Variants in USH2A observed in about 807,000 individuals in gnomAD.
USH2A encodes the protein usherin, also known as Usher syndrome 2A (autosomal recessive, mild).
USH2A carries 443 observed loss-of-function variants against 538.9 expected under a neutral mutation model. The ratio of observed to expected loss-of-function variants is 0.82; its 90% CI spans 0.76 to 0.89. The LOEUF (loss-of-function observed/expected upper bound fraction) is 0.89. USH2A is among the 40% of genes least tolerant of loss of function. USH2A has a pLI of 0.00. For missense variants in USH2A, 6,633 were observed against 6,324.8 expected (o/e 1.05, Z -1.65); for synonymous variants, 2,413 against 2,273.5 (o/e 1.06, Z -1.75).
chr1:216,179,838 T>C (rs2034459102), intron 20 of USH2A, among the ~76,000 whole-genome samples: 1 of 152,146 alleles, frequency 6.6e-6, no homozygotes, highest in African/African-American at 2.4e-5. Flanking sequence ...AAAGTAGATA[T>C]GACTTTTAAA....
chr1:216,317,272 C>G (rs2037526419), intron 9 of USH2A, among the ~76,000 whole-genome samples: 1 of 152,086 alleles, frequency 6.6e-6, no homozygotes, highest in Non-Finnish European at 1.5e-5. Context: ...AGTCATTATT[C>G]TCAGCAAAAT....
At chr1:215,688,627 C>A (rs952307755) in intron 61 of USH2A, among the ~76,000 whole-genome samples, 3 of 152,114 alleles carry the variant, frequency 2.0e-5, no homozygotes, top group Non-Finnish European at 2.9e-5. Context: ...TGAAGCCTCT[C>A]TTCTGGCTTA....
intron 61 of USH2A, among the ~76,000 whole-genome samples, chr1:215,698,666 G>GGTTATTT (rs1287878593): frequency 6.6e-6 from 1 of 152,016 alleles, no homozygotes; most frequent in Non-Finnish European, 1.5e-5. Context: ...TTTTTGATGA[G>GGTTATTT]GTTATTTGTT....
chr1:216,125,817 C>T (rs1336255777), intron 21 of USH2A, among the ~76,000 whole-genome samples: 1 of 152,174 alleles, frequency 6.6e-6, no homozygotes, highest in Non-Finnish European at 1.5e-5. Flanking sequence ...TCCATTTCTT[C>T]ATCTGGCAAA....
chr1:216,366,056 G>A (rs946944726), intron 3 of USH2A, among the ~76,000 whole-genome samples: 4 of 152,112 alleles, frequency 2.6e-5, no homozygotes, highest in African/African-American at 9.7e-5. Context: ...CTAATCAGCT[G>A]TTTGGACATC....
chr1:215,886,860 A>AT (rs898439445), intron 41 of USH2A, among the ~76,000 whole-genome samples: 123 of 150,210 alleles, frequency 8.2e-4, no homozygotes, highest in African/African-American at 2.4e-3. Context: ...GAAAATACTT[A>AT]TTTTTTTTTT....
intron 21 of USH2A, among the ~76,000 whole-genome samples, chr1:216,172,289 C>A (rs182557036): frequency 6.6e-6 from 1 of 152,008 alleles, no homozygotes; most frequent in East Asian, 1.9e-4. Context: ...GTTTATAATT[C>A]CTGTCATTGA....
At chr1:215,629,128 G>T (rs1304802130) in intron 70 of USH2A, 93 bp from the exon 71 acceptor site, 40 of 1,277,806 alleles carry the variant, frequency 3.1e-5, no homozygotes, top group South Asian at 2.1e-4. Flanking sequence ...TCAGTGAAGG[G>T]AATGACTGTC....
At chr1:215,917,781 A>AT (rs1491182383) in intron 38 of USH2A, among the ~76,000 whole-genome samples, 1 of 1,998 alleles carries the variant, frequency 5.0e-4, no homozygotes, top group Non-Finnish European at 1.3e-3. Flanking sequence ...CTATCACTAC[A>AT]AAAAAAAAAA....
chr1:216,244,669 T>C (rs779414160), intron 13 of USH2A, among the ~76,000 whole-genome samples: 1 of 152,152 alleles, frequency 6.6e-6, no homozygotes, highest in Non-Finnish European at 1.5e-5. Context: ...TCTGCAATGA[T>C]ATGCAAAACA....
chr1:215,722,198 A>G (rs1262664772), intron 61 of USH2A, among the ~76,000 whole-genome samples: 1 of 152,170 alleles, frequency 6.6e-6, no homozygotes, highest in African/African-American at 2.4e-5. Context: ...TGAAAATCTC[A>G]GTTTATAGAA....
intron 30 of USH2A, among the ~76,000 whole-genome samples, chr1:216,055,728 T>C (rs537141186): frequency 1.9e-4 from 29 of 152,364 alleles, no homozygotes; most frequent in African/African-American, 7.0e-4. Context: ...ATTGTTGTTT[T>C]TGGATAATAT....
intron 47 of USH2A, among the ~76,000 whole-genome samples, chr1:215,832,578 A>C (rs1459040163): frequency 6.6e-6 from 1 of 151,994 alleles, no homozygotes; most frequent in Non-Finnish European, 1.5e-5. Flanking sequence ...ATTGTCAGCA[A>C]ATTAAAAATA....
At chr1:215,735,464 T>A (rs1190937815) in intron 60 of USH2A, among the ~76,000 whole-genome samples, 1 of 152,160 alleles carries the variant, frequency 6.6e-6, no homozygotes, top group Admixed American at 6.5e-5. Flanking sequence ...ATGGTGATAT[T>A]CACACAAAGA....
intron 9 of USH2A, among the ~76,000 whole-genome samples, chr1:216,310,598 C>T (rs1421929441): frequency 6.6e-6 from 1 of 152,042 alleles, no homozygotes; most frequent in Non-Finnish European, 1.5e-5. Context: ...TGATTCTTTC[C>T]TCTGCTCAAT....
intron 13 of USH2A, among the ~76,000 whole-genome samples, chr1:216,242,334 C>T (rs696122): frequency 0.66 from 98,579 of 150,042 alleles, 32,377 homozygotes; most frequent in East Asian, 0.76. Context: ...CTAGCCTGGG[C>T]GACAGAGCTA....
At chr1:216,157,285 C>T (rs1367218196) in intron 21 of USH2A, among the ~76,000 whole-genome samples, 1 of 152,170 alleles carries the variant, frequency 6.6e-6, no homozygotes, top group African/African-American at 2.4e-5. Flanking sequence ...TACCATCTCA[C>T]ACTAGTCAGA....
intron 23 of USH2A, among the ~76,000 whole-genome samples, chr1:216,088,018 G>A (rs1430752864): frequency 6.6e-6 from 1 of 151,912 alleles, no homozygotes; most frequent in Non-Finnish European, 1.5e-5. Flanking sequence ...ATCCCTAATG[G>A]CCTCTGTGAC....
chr1:216,125,680 T>C (rs1408512587), intron 21 of USH2A, among the ~76,000 whole-genome samples: 1 of 152,182 alleles, frequency 6.6e-6, no homozygotes, highest in African/African-American at 2.4e-5. Context: ...ATCTCTTCAA[T>C]GCTGCAGCAA....
Sources: allele counts gnomAD v4.1 joint callset (sites outside exome capture counted in the v4.1 genomes callset), GRCh38; gene constraint gnomAD v4.1.1; transcripts MANE v1.5; gene names NCBI Gene and HGNC (gene_info 2026-07-23, HGNC 2026-07-21).